CFAP54: variants seen among roughly 807,000 people sequenced by gnomAD.
CFAP54 encodes cilia and flagella associated protein 54, also known as cilia- and flagella-associated protein 54.
In CFAP54, 290 loss-of-function variants were observed where a neutral mutation model predicts 370.4. That is an observed-to-expected ratio of 0.78 (90% confidence interval 0.71 to 0.86). The LOEUF (loss-of-function observed/expected upper bound fraction) is 0.86. Ranked by LOEUF, CFAP54 falls within the 40% of genes least tolerant of loss-of-function variation. The pLI is 0.00. For missense variants in CFAP54, 3,399 were observed against 3,528.7 expected (o/e 0.96, Z 0.93); for synonymous variants, 1,206 against 1,236.5 (o/e 0.98, Z 0.52).
chr12:96,797,348 G>T (rs1273203749), intron 63 of CFAP54, among the ~76,000 whole-genome samples: 1 of 151,920 alleles, frequency 6.6e-6, no homozygotes, highest in Non-Finnish European at 1.5e-5. Context: ...GGCCAGTCTT[G>T]TTCAAATCAT....
intron 51 of CFAP54, among the ~76,000 whole-genome samples, chr12:96,740,643 C>T (rs1045967835): frequency 1.3e-5 from 2 of 152,184 alleles, no homozygotes; most frequent in Admixed American, 6.5e-5. Flanking sequence ...CTAATAAAAT[C>T]GCTAATATCT....
intron 55 of CFAP54, 126 bp downstream of exon 55, chr12:96,744,272 T>G (rs932620933): frequency 8.4e-6 from 7 of 828,566 alleles, no homozygotes; most frequent in Non-Finnish European, 1.3e-5. Flanking sequence ...GCTCCATTTA[T>G]TTAACCAATA....
intron 66 of CFAP54, among the ~76,000 whole-genome samples, chr12:96,860,237 G>A (rs1959843711): frequency 6.6e-6 from 1 of 150,620 alleles, no homozygotes; most frequent in Non-Finnish European, 1.5e-5. Context: ...GGCATGAAGT[G>A]GGTCCCCAGC....
At chr12:96,682,920 A>G (rs1454831191) in intron 40 of CFAP54, among the ~76,000 whole-genome samples, 1 of 151,778 alleles carries the variant, frequency 6.6e-6, no homozygotes, top group African/African-American at 2.4e-5. Context: ...CTTTGTGGGG[A>G]TGGAGATGAT....
Position 96,742,478 on chromosome 12 carries a change from A to T in CFAP54, c.7111A>T (p.Ile2371Phe). The T allele has an allele frequency of 6.2e-7, 1 of 1,603,776 alleles. No individual in the cohort carries two copies. The highest frequency in any genetic ancestry group is 8.5e-7 in the Non-Finnish European group (1 of 1,171,450). ...AGATGACAGTGAGTTTTTAGATCCT[A>T]TTTCCCTAAATGCCCGAGAATATTT... Reference protein sequence around the residue: ...NKDDSEFLDPISLNAREYFNI... With the variant: ...NKDDSEFLDPFSLNAREYFNI... Residue 2371 changes from isoleucine to phenylalanine, a missense_variant, in exon 52 of 68, where the codon ATT (isoleucine) becomes TTT (phenylalanine). Transcript: ENST00000524981.
chr12:96,551,456 C>T (rs191798743), intron 15 of CFAP54, among the ~76,000 whole-genome samples: 1 of 150,078 alleles, frequency 6.7e-6, no homozygotes, highest in Non-Finnish European at 1.5e-5. Context: ...ACTTAAGAAC[C>T]TTCCTGAGCC....
intron 23 of CFAP54, among the ~76,000 whole-genome samples, chr12:96,589,786 A>G (rs550930086): frequency 6.6e-6 from 1 of 152,040 alleles, no homozygotes; most frequent in South Asian, 2.1e-4. Flanking sequence ...TCACTCTGTC[A>G]CCCAGGCTGG....
chr12:96,794,694 T>A (rs1158844020), intron 63 of CFAP54, among the ~76,000 whole-genome samples: 4 of 152,230 alleles, frequency 2.6e-5, no homozygotes, highest in African/African-American at 9.6e-5. Flanking sequence ...CTCTGGTGCC[T>A]CCTTGAGTAG....
intron 17 of CFAP54, among the ~76,000 whole-genome samples, chr12:96,561,513 T>C (rs990611221): frequency 6.6e-6 from 1 of 152,100 alleles, no homozygotes; most frequent in Non-Finnish European, 1.5e-5. Context: ...TTTTTTTTGC[T>C]TTCTGTGCAA....
chr12:96,828,009 TTA>T (rs1304369652), intron 65 of CFAP54, among the ~76,000 whole-genome samples: 9 of 122,188 alleles, frequency 7.4e-5, no homozygotes, highest in Non-Finnish European at 1.4e-4. Context: ...TAATATATAA[TTA>T]TATATAATAC....
intron 60 of CFAP54, among the ~76,000 whole-genome samples, chr12:96,780,166 G>A (rs1197232064): frequency 1.3e-5 from 2 of 151,862 alleles, no homozygotes; most frequent in Non-Finnish European, 2.9e-5. Flanking sequence ...AGTTTCTTTT[G>A]ATTATCCAAA....
At position 96,506,921 on chromosome 12, in the gene CFAP54, G is replaced by A; in HGVS notation, c.568-7G>A. On this transcript the variant is annotated splice_region_variant and splice_polypyrimidine_tract_variant and intron_variant, in intron 3 of 67. Coordinates refer to ENST00000524981, the MANE Select transcript of CFAP54 (RefSeq NM_001306084.2). The stretch of plus-strand genomic sequence containing the variant: ...TATTTCTATTTCTATTTTCCCATGT[G>A]TTTCAGTTTCATGCTTTGAGTGGCA... The A allele has an allele frequency of 6.5e-7, 1 of 1,527,346 alleles. No homozygotes were observed. The highest frequency in any genetic ancestry group is 8.7e-7 in the Non-Finnish European group (1 of 1,143,662). The allele number at this position is 1,527,346 out of a possible 1,614,324, so 94.6% of individuals were successfully genotyped here.
intron 40 of CFAP54, among the ~76,000 whole-genome samples, chr12:96,680,778 C>T (rs1164343250): frequency 1.3e-5 from 2 of 151,956 alleles, no homozygotes; most frequent in Non-Finnish European, 2.9e-5. Flanking sequence ...TTAATTGCTC[C>T]ATACATTAAC....
chr12:96,678,746 C>T (rs548019706), intron 39 of CFAP54, among the ~76,000 whole-genome samples: 2 of 152,132 alleles, frequency 1.3e-5, no homozygotes, highest in Non-Finnish European at 2.9e-5. Context: ...ATATTCCCTG[C>T]AAATGTGACT....
chr12:96,778,767 T>C lies in CFAP54; in HGVS notation c.8282-5950T>C, dbSNP rs150671466. ...ATTGGAAGTCACCACAAAATTGTTT[T>C]TTAAAAAATAAGCATTTTACTCTAT... On this transcript the variant is annotated intron_variant, in intron 60 of 67. Coordinates refer to ENST00000524981, the MANE Select transcript of CFAP54 (RefSeq NM_001306084.2). Among the ~76,000 whole-genome samples the C allele has an allele frequency of 4.4e-3, 673 of 152,308 alleles. 2 individuals are homozygous for C. The highest frequency in any genetic ancestry group is 0.015 in the African/African-American group (640 of 41,554).
chr12:96,737,124 G>A (rs974049721), intron 50 of CFAP54, among the ~76,000 whole-genome samples: 2 of 152,132 alleles, frequency 1.3e-5, no homozygotes, highest in African/African-American at 4.8e-5. Flanking sequence ...TGGAATTTTT[G>A]CATTATTCTA....
chr12:96,630,338 C>T (rs922530619), intron 31 of CFAP54, 134 bp downstream of exon 31: 14 of 605,092 alleles, frequency 2.3e-5, no homozygotes, highest in Admixed American at 2.0e-4. Flanking sequence ...TTTATAATTA[C>T]ACAATACAAC....
chr12:96,843,096 T>C (rs777078307), intron 66 of CFAP54, among the ~76,000 whole-genome samples: 2 of 152,196 alleles, frequency 1.3e-5, no homozygotes, highest in Non-Finnish European at 2.9e-5. Flanking sequence ...ACAAAGCCTG[T>C]CATGCTTTGA....
rs1955325871 is a variant in CFAP54 at position 96,521,954 on chromosome 12, G to A, written c.1040G>A (p.Arg347Gln). Residue 347 changes from arginine to glutamine, a missense_variant, in exon 7 of 68, where the codon CGA becomes CAA. Transcript: ENST00000524981. ...CAGGAAGAATCGCGAAGATATTTTC[G>A]AGAGGCCACAATGAAGGTATAAAAA... ...KSQEESRRYF[R>Q]EATMKMAVMI... is the part of the protein sequence containing the mutation. The A allele has an allele frequency of 4.6e-6, 7 of 1,533,798 alleles. No individual in the cohort carries two copies. Among genetic ancestry groups the A allele is most frequent in the South Asian group, 1.2e-5 (1 of 83,954 alleles).
Sources: gnomAD v4.1 joint callset for allele counts (sites outside exome capture counted in the v4.1 genomes callset) on GRCh38, gnomAD v4.1.1 for gene constraint, MANE v1.5 for transcripts, NCBI Gene and HGNC (gene_info 2026-07-23, HGNC 2026-07-21) for gene names.